Variants in ZBTB44 observed in about 807,000 individuals in gnomAD.
The protein encoded by ZBTB44 is zinc finger and BTB domain-containing protein 44.
ZBTB44 carries 15 observed loss-of-function variants against 54.0 expected under a neutral mutation model. The observed-to-expected ratio is 0.28, with a 90% CI of 0.19 to 0.43. The LOEUF is 0.43. ZBTB44 is among the 20% of genes least tolerant of loss of function. ZBTB44 has a pLI of 1.00. For missense variants in ZBTB44, 487 were observed against 707.1 expected (o/e 0.69, Z 3.53); for synonymous variants, 230 against 250.1 (o/e 0.92, Z 0.76).
In ZBTB44 at chr11:130,260,971, C is replaced by T. The variant is rs771153046; in HGVS notation, c.903G>A (p.Glu301=). The change falls in exon 2 of 8, where the codon GAG becomes GAA. Residue 301 remains glutamate (E), a synonymous_variant. Coordinates refer to ENST00000357899, the MANE Select transcript of ZBTB44 (RefSeq NM_001301098.2). The part of the protein sequence containing the change: ...VERLSDEEVH[E]EVSQPVSASQ... ...ATGCACTGACAGGCTGGGACACTTC[C>T]TCATGGACCTCCTCATCACTTAATC... The T allele has an allele frequency of 1.6e-5, 26 of 1,614,002 alleles. No individual in the cohort carries two copies. Among genetic ancestry groups the T allele is most frequent in the Non-Finnish European group, 2.2e-5 (26 of 1,179,888 alleles).
At chr11:130,238,373 T>C in intron 4 of ZBTB44, 71 bp downstream of exon 4, 1 of 1,418,934 alleles carries the variant, frequency 7.0e-7, no homozygotes. Flanking sequence ...CTGTTTTCTA[T>C]TTTAACTGGG....
At position 130,236,974 on chromosome 11, in the gene ZBTB44, T is replaced by A. The variant is rs752016149; in HGVS notation, c.1387A>T (p.Thr463Ser). 1 of 1,613,346 alleles carries A rather than the reference T, an allele frequency of 6.2e-7. No homozygotes were observed. The change falls in exon 5 of 8, where the codon ACT (threonine) becomes TCT (serine). Residue 463 changes from threonine to serine, a missense_variant. Coordinates refer to ENST00000357899, the MANE Select transcript of ZBTB44 (RefSeq NM_001301098.2). ...TTATATTCCCCGAAGGAAGTGAAAG[T>A]GGCACTACATATCTGGCACCGGAAA... is the stretch of plus-strand genomic sequence containing the variant. Reference protein sequence around the residue: ...RCFRCQICSATFTSFGEYKHH... With the variant: ...RCFRCQICSASFTSFGEYKHH...
intron 1 of ZBTB44, among the ~76,000 whole-genome samples, chr11:130,313,003 T>G (rs1381766802): frequency 2.0e-5 from 3 of 152,154 alleles, no homozygotes; most frequent in African/African-American, 7.2e-5. Flanking sequence ...TTCATTGCAT[T>G]GATTAGCATT....
chr11:130,269,348 T>G (rs1591994363), intron 1 of ZBTB44, among the ~76,000 whole-genome samples: 1 of 151,730 alleles, frequency 6.6e-6, no homozygotes, highest in Non-Finnish European at 1.5e-5. Flanking sequence ...ATATGTGTAG[T>G]TATAAGTTTA....
At chr11:130,267,407 TTA>T (rs1050280346) in intron 1 of ZBTB44, among the ~76,000 whole-genome samples, 1 of 151,914 alleles carries the variant, frequency 6.6e-6, no homozygotes, top group African/African-American at 2.4e-5. Context: ...CTAGGTAAGA[TTA>T]TAATTTTTGT....
At chr11:130,238,705 T>A in intron 3 of ZBTB44, 98 bp from the exon 4 acceptor site, 1 of 1,249,524 alleles carries the variant, frequency 8.0e-7, no homozygotes, top group Non-Finnish European at 1.1e-6. Context: ...ATAAAACACT[T>A]AAAGACTTTT....
intron 1 of ZBTB44, among the ~76,000 whole-genome samples, chr11:130,280,337 T>C (rs1056425271): frequency 6.6e-5 from 10 of 152,118 alleles, no homozygotes; most frequent in African/African-American, 2.4e-4. Context: ...AGGGGAAAGG[T>C]TGGAAAAGAA....
intron 4 of ZBTB44, among the ~76,000 whole-genome samples, chr11:130,237,951 A>C (rs1954181649): frequency 1.3e-5 from 2 of 152,254 alleles, no homozygotes; most frequent in South Asian, 4.1e-4. Context: ...TATGTTTAAA[A>C]AAATACAAAC....
intron 2 of ZBTB44, among the ~76,000 whole-genome samples, chr11:130,243,308 C>A (rs1287622686): frequency 2.0e-5 from 3 of 152,094 alleles, no homozygotes; most frequent in Non-Finnish European, 2.9e-5. Context: ...CTGGTTATTG[C>A]CCTTGAAAAT....
At chr11:130,290,930 T>C (rs1376706442) in intron 1 of ZBTB44, among the ~76,000 whole-genome samples, 3 of 152,236 alleles carry the variant, frequency 2.0e-5, no homozygotes, top group African/African-American at 7.2e-5. Context: ...TTAGATACTT[T>C]AGGCTGCTAT....
Position 130,261,775 on chromosome 11 carries a change from G to A in ZBTB44, c.99C>T (p.Ile33=). The A allele has an allele frequency of 6.2e-7, 1 of 1,614,018 alleles. No individual in the cohort carries two copies. The change falls in exon 2 of 8, where the codon ATC becomes ATT. Residue 33 remains isoleucine, a synonymous_variant. Transcript: ENST00000357899. This position sits in a 1 kb window ranked among gnomAD's most constrained non-coding sequence, Gnocchi z 4.8. ...MLRNDGHFCD[I]TIRVQDKIFR... is the part of the protein sequence containing the mutation. ...AGATTTTGTCCTGGACACGAATAGTGATATCACAAAAATGTCCATCATTTC... is the reference window on the plus strand; with the variant it reads ...AGATTTTGTCCTGGACACGAATAGTAATATCACAAAAATGTCCATCATTTC...
At chr11:130,253,434 CAGAG>C (rs1379291226) in intron 2 of ZBTB44, among the ~76,000 whole-genome samples, 8 of 152,202 alleles carry the variant, frequency 5.3e-5, no homozygotes, top group Middle Eastern at 3.4e-3. Flanking sequence ...AACAGAGAAA[CAGAG>C]AGCCAAATCA....
chr11:130,263,452 G>A (rs996551003), intron 1 of ZBTB44, among the ~76,000 whole-genome samples: 3 of 152,214 alleles, frequency 2.0e-5, no homozygotes, highest in East Asian at 1.9e-4. Context: ...CATGGCCTTC[G>A]AGAGTGCTTA....
At position 130,230,791 on chromosome 11, in the gene ZBTB44, G is replaced by A. The variant is rs1011867871; in HGVS notation, c.*973C>T. The stretch of plus-strand genomic sequence containing the variant: ...AGATGAAATCACTGACATGTTTGAT[G>A]CTTCCACTATTAGAATATACCCTTT... On this transcript the variant is annotated 3_prime_UTR_variant, in exon 8 of 8. Coordinates refer to ENST00000357899, the MANE Select transcript of ZBTB44 (RefSeq NM_001301098.2). 5.9e-5 allele frequency: 9 copies of A among 151,988 alleles called. No individual in the cohort carries two copies. Among genetic ancestry groups the A allele is most frequent in the African/African-American group, 2.2e-4 (9 of 41,426 alleles). The allele number at this position is 151,988 out of a possible 1,614,324, so 9.4% of individuals were successfully genotyped here.
intron 1 of ZBTB44, among the ~76,000 whole-genome samples, chr11:130,278,495 T>C (rs1055580541): frequency 2.0e-5 from 3 of 152,234 alleles, no homozygotes; most frequent in African/African-American, 7.2e-5. Context: ...AGTGTTTTTT[T>C]CTATTGCTAT....
chr11:130,274,606 T>C (rs57535600), intron 1 of ZBTB44, among the ~76,000 whole-genome samples: 6,237 of 152,302 alleles, frequency 0.041, 317 homozygotes, highest in African/African-American at 0.12. Context: ...TCTGCATCTA[T>C]TGATATAATC....
At chr11:130,251,138 TC>T (rs1187053828) in intron 2 of ZBTB44, among the ~76,000 whole-genome samples, 3 of 151,876 alleles carry the variant, frequency 2.0e-5, no homozygotes, top group Admixed American at 1.3e-4. Flanking sequence ...CACGAGAACT[TC>T]ACAAAGCATA....
At chr11:130,310,430 T>C (rs1592088346) in intron 1 of ZBTB44, 1 of 150,760 alleles carries the variant, frequency 6.6e-6, no homozygotes. Context: ...CATCTGTGAA[T>C]AGCCACTGCA....
At position 130,261,064 on chromosome 11, in the gene ZBTB44, C is replaced by G. The variant is rs753915947; in HGVS notation, c.810G>C (p.Val270=). The change falls in exon 2 of 8, where the codon GTG becomes GTC. Residue 270 remains valine, a synonymous_variant. Coordinates refer to ENST00000357899, the MANE Select transcript of ZBTB44 (RefSeq NM_001301098.2). The surrounding 1 kb of genome is among the most constrained non-coding windows in gnomAD (Gnocchi z 4.8). The part of the protein sequence containing the change: ...SETGRRMADY[V]TCESTKTTLP... Reference sequence around the variant, plus strand: ...AGGTAGTTTTTGTGCTCTCACAAGTCACATAATCAGCCATTCTTCTACCGG... The same window carrying G: ...AGGTAGTTTTTGTGCTCTCACAAGTGACATAATCAGCCATTCTTCTACCGG... 1 of 1,613,988 alleles carries G rather than the reference C, an allele frequency of 6.2e-7. No individual in the cohort carries two copies. The highest frequency in any genetic ancestry group is 2.2e-5 in the East Asian group (1 of 44,876).
Sources: gnomAD v4.1 joint callset for allele counts (sites outside exome capture counted in the v4.1 genomes callset) on GRCh38, gnomAD v4.1.1 for gene constraint, Gnocchi (gnomAD v3.1) non-coding constraint, MANE v1.5 for transcripts, NCBI Gene and HGNC (gene_info 2026-07-23, HGNC 2026-07-21) for gene names.